STAM: variants seen among roughly 807,000 people sequenced by gnomAD.
STAM encodes signal transducing adapter molecule 1.
In STAM, 16 loss-of-function variants were observed where a neutral mutation model predicts 63.4. That is an observed-to-expected ratio of 0.25 (90% CI 0.17 to 0.38). The LOEUF (loss-of-function observed/expected upper bound fraction) is 0.38. Ranked by LOEUF, STAM falls within the 10% of genes least tolerant of loss-of-function variation. The pLI is 1.00. For missense variants in STAM, 636 were observed against 657.1 expected (o/e 0.97, Z 0.35); for synonymous variants, 238 against 223.9 (o/e 1.06, Z -0.56).
intron 8 of STAM, 58 bp downstream of exon 8, chr10:17,696,927 G>C: frequency 6.9e-7 from 1 of 1,449,572 alleles, no homozygotes; most frequent in Non-Finnish European, 9.7e-7. Flanking sequence ...CTTAATGGAA[G>C]TTGAGTAAAC....
At chr10:17,669,706 T>C (rs1834546368) in intron 2 of STAM, among the ~76,000 whole-genome samples, 1 of 150,688 alleles carries the variant, frequency 6.6e-6, no homozygotes, top group South Asian at 2.1e-4. Context: ...CTTTCTTTTT[T>C]TTTTTTTCTG....
intron 5 of STAM, 99 bp downstream of exon 5, chr10:17,688,272 A>G: frequency 8.2e-7 from 1 of 1,224,564 alleles, no homozygotes; most frequent in Non-Finnish European, 1.1e-6. Flanking sequence ...AATTTTTACT[A>G]CTTCAGAGGA....
chr10:17,704,020 A>C (rs532380471), intron 9 of STAM, among the ~76,000 whole-genome samples: 35 of 152,364 alleles, frequency 2.3e-4, no homozygotes, highest in African/African-American at 8.4e-4. Flanking sequence ...AGGTGGAAGA[A>C]CTCACGCATT....
rs559214469 is a variant in STAM at position 17,714,965 on chromosome 10, C to T, written c.*185C>T. ...CTGACTTTTTAGAGGTTCTTCCCCC[C>T]CCGCCCCTGCAGAGGAATGAAACTA... On this transcript the variant is annotated 3_prime_UTR_variant, in exon 14 of 14. Coordinates refer to ENST00000377524, the MANE Select transcript of STAM (RefSeq NM_003473.4). 32 of 601,162 alleles carry T rather than the reference C, an allele frequency of 5.3e-5. No homozygotes were observed. Among genetic ancestry groups the T allele is most frequent in the South Asian group, 2.6e-4 (13 of 50,360 alleles). The allele number at this position is 601,162 out of a possible 1,614,324, so 37.2% of individuals were successfully genotyped here.
At chr10:17,696,556 A>T in intron 7 of STAM, 1 of 460,896 alleles carries the variant, frequency 2.2e-6, no homozygotes, top group Non-Finnish European at 3.9e-6. Flanking sequence ...CAGAGCATGC[A>T]TTGGCAGTCA....
chr10:17,714,304 C>T (rs562663431), intron 13 of STAM, among the ~76,000 whole-genome samples: 37 of 149,720 alleles, frequency 2.5e-4, no homozygotes, highest in African/African-American at 8.3e-4. Context: ...GACTTATTTC[C>T]GCAAACCACC....
intron 6 of STAM, among the ~76,000 whole-genome samples, chr10:17,694,016 T>C (rs1394199135): frequency 2.0e-5 from 3 of 152,200 alleles, no homozygotes; most frequent in South Asian, 2.1e-4. Context: ...GTTATTTTAA[T>C]TTTTATTTTT....
At chr10:17,680,347 T>A (rs1439853096) in intron 2 of STAM, among the ~76,000 whole-genome samples, 1 of 151,706 alleles carries the variant, frequency 6.6e-6, no homozygotes, top group Non-Finnish European at 1.5e-5. Context: ...AAACAATAAC[T>A]CCCCATTCGC....
chr10:17,696,959 GC>G, intron 8 of STAM, 90 bp downstream of exon 8: 2 of 1,056,122 alleles, frequency 1.9e-6, no homozygotes, highest in Non-Finnish European at 2.8e-6. Context: ...GAGCAGTGTT[GC>G]CCAGGCTGGA....
chr10:17,644,374 A>T lies in STAM; in HGVS notation c.35A>T (p.Asp12Val). ...PLFATNPFDQDVEKATSEMNT... is the reference protein window; with the variant it reads ...PLFATNPFDQVVEKATSEMNT... ...TTTGCCACCAATCCCTTCGATCAGG[A>T]TGTTGGTAAGTGTTTTTGCCTCTCC... Residue 12 changes from aspartate to valine, a missense_variant, in exon 1 of 14, where the codon GAT (aspartate) becomes GTT (valine). Coordinates refer to ENST00000377524, the MANE Select transcript of STAM (RefSeq NM_003473.4). 6.2e-7 allele frequency: 1 copy of T among 1,613,924 alleles called. No individual in the cohort carries two copies. Among genetic ancestry groups the T allele is most frequent in the Non-Finnish European group, 8.5e-7 (1 of 1,179,986 alleles).
At chr10:17,701,707 A>G (rs946061302) in intron 9 of STAM, among the ~76,000 whole-genome samples, 13 of 152,092 alleles carry the variant, frequency 8.5e-5, no homozygotes, top group African/African-American at 3.1e-4. Context: ...ATTCTCTCCT[A>G]CCATTTTCGT....
chr10:17,696,252 T>G (rs1221222142), intron 7 of STAM: 1 of 152,214 alleles, frequency 6.6e-6, no homozygotes, highest in Admixed American at 6.5e-5. Flanking sequence ...TTCAAAAACA[T>G]GTATTGAGTG....
chr10:17,661,991 A>G (rs1554822935), intron 2 of STAM, among the ~76,000 whole-genome samples: 2 of 152,164 alleles, frequency 1.3e-5, no homozygotes, highest in African/African-American at 2.4e-5. Context: ...TGTGTTACAT[A>G]TCGCGTTCCC....
At position 17,703,093 on chromosome 10, in the gene STAM, CTTCT is replaced by C. The variant is rs376576585; in HGVS notation, c.913-1335_913-1332del. Among the ~76,000 whole-genome samples, 1,017 of 150,790 alleles carry C rather than the reference CTTCT, an allele frequency of 6.7e-3. 7 individuals carry two copies. The highest frequency in any genetic ancestry group is 0.023 in the African/African-American group (963 of 41,148). On this transcript the variant is annotated intron_variant, in intron 9 of 13. Transcript: ENST00000377524. The stretch of plus-strand genomic sequence containing the variant: ...ACTAATCATCTATGTAGAAACCCTA[CTTCT>C]TTGACACTAAATAATTTTAAATATT...
chr10:17,709,642 C>A (rs1554829875), intron 13 of STAM, among the ~76,000 whole-genome samples: 1 of 151,988 alleles, frequency 6.6e-6, no homozygotes, highest in Non-Finnish European at 1.5e-5. Context: ...TAAGAGTTTA[C>A]CAACGTGTAT....
At chr10:17,681,405 G>A (rs1838715635) in intron 2 of STAM, among the ~76,000 whole-genome samples, 1 of 150,726 alleles carries the variant, frequency 6.6e-6, no homozygotes. Context: ...ATATTTCTTT[G>A]TTCTTTCAGA....
intron 11 of STAM, 106 bp downstream of exon 11, chr10:17,705,130 G>A: frequency 2.3e-6 from 2 of 868,890 alleles, no homozygotes; most frequent in Non-Finnish European, 3.7e-6. Context: ...TATTGTGGAG[G>A]AACCAACTCT....
At chr10:17,675,751 C>T (rs1432545692) in intron 2 of STAM, among the ~76,000 whole-genome samples, 2 of 151,964 alleles carry the variant, frequency 1.3e-5, no homozygotes, top group African/African-American at 4.8e-5. Context: ...AATTAATGAA[C>T]GTTAGTTATG....
intron 12 of STAM, among the ~76,000 whole-genome samples, chr10:17,706,716 A>G (rs762742417): frequency 1.4e-4 from 21 of 152,036 alleles, no homozygotes; most frequent in Non-Finnish European, 2.4e-4. Context: ...GTAATTATTT[A>G]CTTAAGAACC....
Sources: allele counts gnomAD v4.1 joint callset (sites outside exome capture counted in the v4.1 genomes callset), GRCh38; gene constraint gnomAD v4.1.1; transcripts MANE v1.5; gene names NCBI Gene and HGNC (gene_info 2026-07-23, HGNC 2026-07-21).